ASH1L: variants seen among roughly 807,000 people sequenced by gnomAD.
ASH1L encodes the protein ASH1 like histone lysine methyltransferase.
ASH1L carries 23 observed loss-of-function variants against 269.0 expected under a neutral mutation model. That is an observed-to-expected ratio of 0.09 (90% CI 0.06 to 0.12). The LOEUF is 0.12. ASH1L is among the 10% of genes least tolerant of loss of function. ASH1L has a pLI of 1.00. For missense variants in ASH1L, 2,912 were observed against 3,567.8 expected (o/e 0.82, Z 4.68); for synonymous variants, 1,187 against 1,253.5 (o/e 0.95, Z 1.12).
At chr1:155,544,962 C>A (rs555636924) in intron 1 of ASH1L, among the ~76,000 whole-genome samples, 2 of 151,214 alleles carry the variant, frequency 1.3e-5, no homozygotes, top group Non-Finnish European at 3.0e-5. Context: ...CACCTGAGGT[C>A]GGGAGTTCGA....
chr1:155,357,896 C>A, intron 13 of ASH1L, 147 bp from the exon 14 acceptor site: 1 of 704,166 alleles, frequency 1.4e-6, no homozygotes, highest in South Asian at 2.2e-5. Context: ...TCAGCCTCCC[C>A]AGTAGCTGAC....
chr1:155,456,565 G>A (rs1197412180), intron 4 of ASH1L, among the ~76,000 whole-genome samples: 1 of 151,834 alleles, frequency 6.6e-6, no homozygotes, highest in Non-Finnish European at 1.5e-5. Flanking sequence ...TTAGGTCTCC[G>A]TCCCCATCAC....
At chr1:155,375,965 G>A (rs906562488) in intron 10 of ASH1L, among the ~76,000 whole-genome samples, 15 of 152,262 alleles carry the variant, frequency 9.9e-5, no homozygotes, top group Admixed American at 3.3e-4. Flanking sequence ...TTAGCCAGGC[G>A]TGGTGACACG....
chr1:155,558,698 A>C (rs1308917125), intron 1 of ASH1L, among the ~76,000 whole-genome samples: 1 of 151,844 alleles, frequency 6.6e-6, no homozygotes, highest in Non-Finnish European at 1.5e-5. Flanking sequence ...GTTCATTCTA[A>C]TTTTTTAACT....
chr1:155,483,276 A>C (rs1666082674), intron 2 of ASH1L, among the ~76,000 whole-genome samples: 1 of 152,212 alleles, frequency 6.6e-6, no homozygotes, highest in Admixed American at 6.5e-5. Context: ...ATTTTCCCTA[A>C]GCAAATTTAT....
chr1:155,543,767 A>G (rs1286009550), intron 1 of ASH1L, among the ~76,000 whole-genome samples: 1 of 151,762 alleles, frequency 6.6e-6, no homozygotes, highest in Non-Finnish European at 1.5e-5. Flanking sequence ...CCCCATCTCT[A>G]CAAAAAATTT....
intron 1 of ASH1L, among the ~76,000 whole-genome samples, chr1:155,523,277 T>C (rs1486871595): frequency 1.3e-5 from 2 of 152,136 alleles, no homozygotes; most frequent in Non-Finnish European, 2.9e-5. Context: ...GGTGGACTCT[T>C]TGAGCCCAGG....
At chr1:155,362,976 A>T (rs1655094912) in intron 12 of ASH1L, among the ~76,000 whole-genome samples, 1 of 152,180 alleles carries the variant, frequency 6.6e-6, no homozygotes, top group East Asian at 1.9e-4. Context: ...GCATTTAAAA[A>T]TTTTTATTTA....
At chr1:155,471,001 A>G (rs1323622228) in intron 3 of ASH1L, among the ~76,000 whole-genome samples, 1 of 152,250 alleles carries the variant, frequency 6.6e-6, no homozygotes, top group African/African-American at 2.4e-5. Flanking sequence ...GCCTGAATTA[A>G]TATTTTTATT....
intron 4 of ASH1L, among the ~76,000 whole-genome samples, chr1:155,445,099 CTTT>C (rs1662908675): frequency 1.3e-5 from 2 of 152,152 alleles, no homozygotes. Context: ...GGTCAGTGAT[CTTT>C]TTATTCCATA....
At chr1:155,428,452 AAT>A (rs1553255735) in intron 5 of ASH1L, among the ~76,000 whole-genome samples, 1 of 150,672 alleles carries the variant, frequency 6.6e-6, no homozygotes, top group African/African-American at 2.4e-5. Context: ...CAAAAAAAAA[AAT>A]ATATATATAT....
chr1:155,336,223 A>T lies in ASH1L; in HGVS notation c.*1437T>A, dbSNP rs1652299462. ...GTCAATGTGTCTACCTAAACGAGTC[A>T]GAGCATCGTCACCATAAGGGGAAAT... On this transcript the variant is annotated 3_prime_UTR_variant, in exon 28 of 28. Transcript: ENST00000392403. 1.3e-5 allele frequency: 2 copies of T among 152,764 alleles called. No homozygotes were observed. The highest frequency in any genetic ancestry group is 4.8e-5 in the African/African-American group (2 of 41,528). The allele number at this position is 152,764 out of a possible 1,614,324, so 9.5% of individuals were successfully genotyped here. A position where few individuals can be genotyped will look rare whatever the true frequency, so the allele number is the denominator to read the frequency against.
At chr1:155,433,204 G>A (rs760831905) in intron 5 of ASH1L, 3 of 1,544,790 alleles carry the variant, frequency 1.9e-6, no homozygotes, top group Non-Finnish European at 2.6e-6. Context: ...GGCTTCGGAT[G>A]CCTGCCTTCT....
At chr1:155,547,975 CAAA>C (rs919537763) in intron 1 of ASH1L, among the ~76,000 whole-genome samples, 4 of 151,906 alleles carry the variant, frequency 2.6e-5, no homozygotes, top group Admixed American at 2.6e-4. Context: ...GACTCCGTCT[CAAA>C]AAAGAAAAAA....
chr1:155,506,158 T>C (rs1333946006), intron 2 of ASH1L, among the ~76,000 whole-genome samples: 1 of 152,204 alleles, frequency 6.6e-6, no homozygotes, highest in Non-Finnish European at 1.5e-5. Flanking sequence ...TCCCTACAAA[T>C]GACATGAACT....
At chr1:155,433,419 T>G in intron 5 of ASH1L, 3 of 1,608,442 alleles carry the variant, frequency 1.9e-6, no homozygotes, top group Non-Finnish European at 1.7e-6. Flanking sequence ...GGGCCTCAGG[T>G]TGGAGTGCGG....
intron 13 of ASH1L, among the ~76,000 whole-genome samples, chr1:155,358,501 T>C (rs755570401): frequency 1.1e-4 from 17 of 151,664 alleles, no homozygotes; most frequent in East Asian, 7.8e-4. Context: ...CTGGCTAACA[T>C]GGTAAAACCC....
intron 4 of ASH1L, among the ~76,000 whole-genome samples, chr1:155,444,249 T>C (rs1295200087): frequency 6.6e-6 from 1 of 152,192 alleles, no homozygotes; most frequent in Admixed American, 6.5e-5. Context: ...CCCAAAGTCC[T>C]GGGATTACAG....
At chr1:155,374,324 A>G (rs569232429) in intron 10 of ASH1L, among the ~76,000 whole-genome samples, 1 of 152,186 alleles carries the variant, frequency 6.6e-6, no homozygotes, top group South Asian at 2.1e-4. Flanking sequence ...GACTGTCTCA[A>G]AAAAAGGAAA....
Sources: allele counts gnomAD v4.1 joint callset (sites outside exome capture counted in the v4.1 genomes callset), GRCh38; gene constraint gnomAD v4.1.1; transcripts MANE v1.5; gene names NCBI Gene and HGNC (gene_info 2026-07-23, HGNC 2026-07-21).